The following TTL variants were observed in gnomAD, a reference collection of about 807,000 sequenced individuals.
The protein encoded by TTL is tubulin tyrosine ligase.
A neutral mutation model predicts 41.1 loss-of-function variants in TTL; 10 were observed. That is an observed-to-expected ratio of 0.24 (90% CI 0.15 to 0.41). The LOEUF (loss-of-function observed/expected upper bound fraction) is 0.41. TTL is among the 10% of genes least tolerant of loss of function. The pLI is 1.00. For synonymous variants in TTL, 175 were observed against 175.5 expected, an observed-to-expected ratio of 1.00 and a Z score of 0.02; for missense variants, 367 against 460.4, an observed-to-expected ratio of 0.80 and a Z score of 1.86.
At chr2:112,486,609 T>G (rs754329320) in intron 2 of TTL, among the ~76,000 whole-genome samples, 7 of 152,152 alleles carry the variant, frequency 4.6e-5, no homozygotes, top group African/African-American at 7.2e-5. Context: ...CTCTGAGCAG[T>G]TGGATTATGG....
rs1435676175 is a variant in TTL at position 112,482,756 on chromosome 2, C to T, written c.157+255C>T. Among the ~76,000 whole-genome samples, 2 of 152,206 alleles carry T rather than the reference C, an allele frequency of 1.3e-5. No homozygotes were observed. The highest frequency in any genetic ancestry group is 2.1e-4 in the South Asian group (1 of 4,836). ...CAGCTACCTCCCGACGGTGACCGGT[C>T]CCTGCAGCCCGGGAGACGCTGGCCG... is the stretch of plus-strand genomic sequence containing the variant. On this transcript the variant is annotated intron_variant, in intron 1 of 6. Transcript: ENST00000233336. The surrounding 1 kb of genome is among the most constrained non-coding windows in gnomAD (Gnocchi z 5.3).
chr2:112,500,161 C>T (rs1276071237), intron 3 of TTL, among the ~76,000 whole-genome samples: 4 of 151,972 alleles, frequency 2.6e-5, no homozygotes, highest in Non-Finnish European at 5.9e-5. Context: ...GATGAGACAT[C>T]CATAGATACA....
chr2:112,509,339 C>T (rs1282574484), intron 5 of TTL, among the ~76,000 whole-genome samples: 8 of 151,618 alleles, frequency 5.3e-5, no homozygotes, highest in Non-Finnish European at 1.0e-4. Flanking sequence ...GTGGTGGGCT[C>T]CACCCAGTTC....
intron 5 of TTL, among the ~76,000 whole-genome samples, chr2:112,519,100 G>A (rs1183061669): frequency 1.3e-5 from 2 of 151,898 alleles, no homozygotes; most frequent in Non-Finnish European, 2.9e-5. Flanking sequence ...ATTCAGTTGG[G>A]TGAAAAATCA....
intron 6 of TTL, among the ~76,000 whole-genome samples, chr2:112,525,403 T>C (rs1682343943): frequency 6.6e-6 from 1 of 152,238 alleles, no homozygotes; most frequent in South Asian, 2.1e-4. Context: ...TTTCACAACA[T>C]TGATTCTTCC....
chr2:112,509,671 GC>G, intron 5 of TTL, among the ~76,000 whole-genome samples: 1 of 152,288 alleles, frequency 6.6e-6, no homozygotes, highest in South Asian at 2.1e-4. Flanking sequence ...CCCTGCTTCG[GC>G]TCGCGCACGG....
At chr2:112,526,454 T>A (rs1256350191) in intron 6 of TTL, among the ~76,000 whole-genome samples, 1 of 152,214 alleles carries the variant, frequency 6.6e-6, no homozygotes, top group East Asian at 1.9e-4. Flanking sequence ...AATTATTGCC[T>A]CAATTTCAGA....
rs529600483 is a variant in TTL, at chr2:112,523,309, A to T, written c.1019+2884A>T. On this transcript the variant is annotated intron_variant, in intron 6 of 6. Coordinates refer to ENST00000233336, the MANE Select transcript of TTL (RefSeq NM_153712.5). ...CCTTCATTGCACTAACTGCCATCAG[A>T]TTAACTCATCAGAAGAAACTGTCTG... Among the ~76,000 whole-genome samples the T allele has an allele frequency of 4.0e-5, 6 of 151,880 alleles. No homozygotes were observed. In the South Asian group the frequency reaches 1.2e-3, roughly 32 times the overall value.
At chr2:112,522,823 G>A (rs1420344847) in intron 6 of TTL, among the ~76,000 whole-genome samples, 5 of 152,044 alleles carry the variant, frequency 3.3e-5, no homozygotes, top group Non-Finnish European at 5.9e-5. Flanking sequence ...TCTAGCCTCC[G>A]GAGTCCTTTG....
chr2:112,502,903 G>A lies in TTL; in HGVS notation c.606-9G>A. 6.3e-7 allele frequency: 1 copy of A among 1,596,442 alleles called. No homozygotes were observed. The highest frequency in any genetic ancestry group is 8.5e-7 in the Non-Finnish European group (1 of 1,170,376). ...ACTTGAGTAAAGCAGTGTTTTTGTT[G>A]AATTGCAGAAGCTGGGTCTTGGTGG... On this transcript the variant is annotated splice_polypyrimidine_tract_variant and intron_variant, in intron 4 of 6. Transcript: ENST00000233336.
chr2:112,511,270 A>G (rs985370112), intron 5 of TTL, among the ~76,000 whole-genome samples: 1 of 151,634 alleles, frequency 6.6e-6, no homozygotes, highest in Non-Finnish European at 1.5e-5. Context: ...TGGCCTCTCA[A>G]AGTGCTGGGA....
At chr2:112,527,822 A>C (rs1243774407) in intron 6 of TTL, among the ~76,000 whole-genome samples, 1 of 152,166 alleles carries the variant, frequency 6.6e-6, no homozygotes, top group African/African-American at 2.4e-5. Flanking sequence ...ACTTAAGGTT[A>C]ATATTGTTAT....
At chr2:112,519,906 G>A (rs565162056) in intron 5 of TTL, among the ~76,000 whole-genome samples, 87 of 152,032 alleles carry the variant, frequency 5.7e-4, no homozygotes, top group African/African-American at 1.9e-3. Context: ...CGAGGTGGGC[G>A]GATCACCTGA....
chr2:112,528,573 C>T (rs1682422873), intron 6 of TTL, 108 bp from the exon 7 acceptor site: 1 of 867,542 alleles, frequency 1.2e-6, no homozygotes, highest in Non-Finnish European at 1.9e-6. Context: ...CACTGCATGC[C>T]AACTTGGGAG....
chr2:112,503,834 C>CT (rs1241240097), intron 5 of TTL, among the ~76,000 whole-genome samples: 14 of 81,764 alleles, frequency 1.7e-4, no homozygotes, highest in African/African-American at 5.1e-4. Flanking sequence ...TTATTATACT[C>CT]TAAGTTTTAG....
Position 112,530,068 on chromosome 2 carries a change from G to A in TTL, c.*1273G>A. On this transcript the variant is annotated 3_prime_UTR_variant, in exon 7 of 7. Coordinates refer to ENST00000233336, the MANE Select transcript of TTL (RefSeq NM_153712.5). Reference sequence around the variant, plus strand: ...AACAGGCCCTTCCTAGAGTGTCCTGGAAATCACAGCAACCCATTGAAAACT... The same window carrying A: ...AACAGGCCCTTCCTAGAGTGTCCTGAAAATCACAGCAACCCATTGAAAACT... 1 of 230,448 alleles carries A rather than the reference G, an allele frequency of 4.3e-6. No individual in the cohort carries two copies. Among genetic ancestry groups the A allele is most frequent in the East Asian group, 6.2e-5 (1 of 16,216 alleles). 14.3% of individuals were successfully genotyped at this position (230,448 alleles called of 1,614,324 possible).
Position 112,501,196 on chromosome 2 carries a change from T to C in TTL, c.470-10T>C, listed in dbSNP as rs745843295. ...TTGGATTGGTTTGTCTTTTGCTTTT[T>C]CCCTGTTAGGTGAAGGCATTCTCAT... is the stretch of plus-strand genomic sequence containing the variant. On this transcript the variant is annotated splice_polypyrimidine_tract_variant and intron_variant, in intron 3 of 6. Transcript: ENST00000233336. 1 of 1,600,996 alleles carries C rather than the reference T, an allele frequency of 6.2e-7. No individual in the cohort carries two copies. The highest frequency in any genetic ancestry group is 8.5e-7 in the Non-Finnish European group (1 of 1,176,362).
In TTL at chr2:112,521,648, G is replaced by A. The variant is rs553643821; in HGVS notation, c.1019+1223G>A. 2.4e-4 allele frequency among the ~76,000 whole-genome samples: 37 copies of A among 152,308 alleles called. 2 individuals are homozygous for A. In the East Asian group the frequency reaches 3.7e-3, roughly 15 times the overall value. On this transcript the variant is annotated intron_variant, in intron 6 of 6. Transcript: ENST00000233336. Reference sequence around the variant, plus strand: ...ATCTTGTTCATCAGTCTCTGCAGCCGATAAGTGCTTATCAGGTGCTGCCTA... The same window carrying A: ...ATCTTGTTCATCAGTCTCTGCAGCCAATAAGTGCTTATCAGGTGCTGCCTA...
chr2:112,528,048 A>G (rs1323348642), intron 6 of TTL, among the ~76,000 whole-genome samples: 1 of 152,054 alleles, frequency 6.6e-6, no homozygotes. Flanking sequence ...TCTGTAGAGG[A>G]TTTTATTTCT....
Sources: allele counts gnomAD v4.1 joint callset (sites outside exome capture counted in the v4.1 genomes callset), GRCh38; gene constraint gnomAD v4.1.1; non-coding constraint Gnocchi (gnomAD v3.1); transcripts MANE v1.5; gene names NCBI Gene and HGNC (gene_info 2026-07-23, HGNC 2026-07-21).